PDE4B: variants seen among roughly 807,000 people sequenced by gnomAD.
PDE4B encodes 3',5'-cyclic-AMP phosphodiesterase 4B.
A neutral mutation model predicts 82.2 loss-of-function variants in PDE4B; 20 were observed. The observed-to-expected ratio is 0.24, with a 90% confidence interval of 0.17 to 0.35. PDE4B has a LOEUF of 0.35. Ranked by LOEUF, PDE4B falls within the 10% of genes least tolerant of loss-of-function variation. PDE4B has a pLI of 1.00. For missense variants in PDE4B, 655 were observed against 907.2 expected (o/e 0.72, Z 3.57); for synonymous variants, 320 against 318.9 (o/e 1.00, Z -0.04).
intron 3 of PDE4B, among the ~76,000 whole-genome samples, chr1:65,921,313 A>C (rs1160244076): frequency 1.3e-5 from 2 of 152,084 alleles, no homozygotes; most frequent in Non-Finnish European, 2.9e-5. Flanking sequence ...CTTCCACTGG[A>C]ATACTGATAG....
chr1:66,332,578 C>T lies in PDE4B; in HGVS notation c.705C>T (p.Thr235=), dbSNP rs568308793. Residue 235 remains threonine (T), a synonymous_variant, in exon 8 of 17, where the codon ACC becomes ACT. Coordinates refer to ENST00000341517, the MANE Select transcript of PDE4B (RefSeq NM_002600.4). ...ACTGGTGTTTAGACCAGCTAGAGACCATACAGACCTACCGGTCTGTCAGTG... is the reference window on the plus strand; with the variant it reads ...ACTGGTGTTTAGACCAGCTAGAGACTATACAGACCTACCGGTCTGTCAGTG... ...ELDWCLDQLE[T]IQTYRSVSEM... 1.2e-6 allele frequency: 2 copies of T among 1,614,012 alleles called. No individual in the cohort carries two copies. The highest frequency in any genetic ancestry group is 4.5e-5 in the East Asian group (2 of 44,892).
intron 1 of PDE4B, among the ~76,000 whole-genome samples, chr1:65,865,228 C>T (rs532738024): frequency 6.6e-6 from 1 of 152,294 alleles, no homozygotes; most frequent in South Asian, 2.1e-4. Flanking sequence ...TGTCCTTCCC[C>T]ACACCAAGCT....
chr1:65,906,888 C>T (rs1220156559), intron 1 of PDE4B, among the ~76,000 whole-genome samples: 1 of 152,084 alleles, frequency 6.6e-6, no homozygotes, highest in Non-Finnish European at 1.5e-5. Context: ...AAAAGGATGC[C>T]ATTATGTCTT....
intron 3 of PDE4B, among the ~76,000 whole-genome samples, chr1:66,175,660 A>G (rs1646918430): frequency 1.3e-5 from 2 of 152,218 alleles, no homozygotes; most frequent in African/African-American, 4.8e-5. Flanking sequence ...TAGCACGTGC[A>G]GTGTGAGTGA....
intron 3 of PDE4B, among the ~76,000 whole-genome samples, chr1:65,927,117 G>T (rs1047895249): frequency 6.6e-6 from 1 of 151,766 alleles, no homozygotes; most frequent in African/African-American, 2.4e-5. Flanking sequence ...CATGTTAAAA[G>T]AAGTTATTCA....
At chr1:65,997,257 A>G (rs1479885001) in intron 3 of PDE4B, among the ~76,000 whole-genome samples, 1 of 150,170 alleles carries the variant, frequency 6.7e-6, no homozygotes, top group Non-Finnish European at 1.5e-5. Flanking sequence ...CACAGGAAAC[A>G]ATATTTTTGT....
Position 66,363,109 on chromosome 1 carries a change from A to G in PDE4B, c.1021-59A>G, listed in dbSNP as rs533678393. 4.9e-4 allele frequency: 558 copies of G among 1,146,306 alleles called. 8 individuals are homozygous for G. In the South Asian group the frequency reaches 6.9e-3, roughly 14 times the overall value. The allele number at this position is 1,146,306 out of a possible 1,614,324, so 71.0% of individuals were successfully genotyped here. ...AATGTCCAAAAAATAAATTAAAAAA[A>G]TGAGGCATGTTAGCACAACTTTCCT... On this transcript the variant is annotated intron_variant, in intron 10 of 16. Coordinates refer to ENST00000341517, the MANE Select transcript of PDE4B (RefSeq NM_002600.4).
chr1:66,157,445 T>C (rs995781315), intron 3 of PDE4B, among the ~76,000 whole-genome samples: 2 of 152,204 alleles, frequency 1.3e-5, no homozygotes, highest in African/African-American at 2.4e-5. Flanking sequence ...CTAGAACTTA[T>C]AGACCTTCAT....
intron 1 of PDE4B, among the ~76,000 whole-genome samples, chr1:65,878,225 G>A (rs184238772): frequency 4.5e-4 from 69 of 152,254 alleles, no homozygotes; most frequent in Middle Eastern, 6.8e-3. Context: ...AAAAAGTCAG[G>A]AAACAACAGA....
chr1:65,994,744 T>C (rs12566724), intron 3 of PDE4B, among the ~76,000 whole-genome samples: 31,865 of 152,032 alleles, frequency 0.21, 4,089 homozygotes, highest in East Asian at 0.38. Context: ...GATATTTAAT[T>C]TTAGATAGCT....
At chr1:66,108,839 A>G (rs546363350) in intron 3 of PDE4B, among the ~76,000 whole-genome samples, 3 of 152,126 alleles carry the variant, frequency 2.0e-5, no homozygotes, top group African/African-American at 7.2e-5. Context: ...TTTTGATTCA[A>G]CTGACTCATC....
chr1:65,989,081 A>G (rs1472245994), intron 3 of PDE4B, among the ~76,000 whole-genome samples: 1 of 152,214 alleles, frequency 6.6e-6, no homozygotes, highest in African/African-American at 2.4e-5. Context: ...TATTTATAAT[A>G]AGTAATGCAT....
intron 3 of PDE4B, among the ~76,000 whole-genome samples, chr1:66,090,176 T>C (rs1644983467): frequency 6.6e-6 from 1 of 151,936 alleles, no homozygotes; most frequent in Admixed American, 6.6e-5. Flanking sequence ...GACAAGAGTA[T>C]TAATAAGGCA....
intron 3 of PDE4B, among the ~76,000 whole-genome samples, chr1:65,966,604 A>C (rs1042112888): frequency 6.6e-6 from 1 of 152,194 alleles, no homozygotes; most frequent in Non-Finnish European, 1.5e-5. Flanking sequence ...ATCCTAAGCA[A>C]AAAGAACAAA....
chr1:66,370,174 A>G (rs111733024), intron 16 of PDE4B, among the ~76,000 whole-genome samples: 4,573 of 149,784 alleles, frequency 0.031, 250 homozygotes, highest in African/African-American at 0.11. Context: ...AAAAAAAAAA[A>G]AAAAGAAAGA....
At chr1:66,088,933 A>T (rs1391312599) in intron 3 of PDE4B, among the ~76,000 whole-genome samples, 1 of 152,082 alleles carries the variant, frequency 6.6e-6, no homozygotes, top group East Asian at 1.9e-4. Context: ...AAGCCCTACC[A>T]ACAAGGGTTC....
At chr1:65,924,717 T>G (rs1351690625) in intron 3 of PDE4B, among the ~76,000 whole-genome samples, 1 of 152,224 alleles carries the variant, frequency 6.6e-6, no homozygotes, top group African/African-American at 2.4e-5. Flanking sequence ...GCAGAACTGC[T>G]TCCAACCTGA....
At chr1:66,125,454 G>T (rs190943851) in intron 3 of PDE4B, among the ~76,000 whole-genome samples, 6 of 152,092 alleles carry the variant, frequency 3.9e-5, no homozygotes, top group African/African-American at 1.4e-4. Flanking sequence ...GAGCCACCAC[G>T]CCCTGCCCCT....
intron 3 of PDE4B, among the ~76,000 whole-genome samples, chr1:65,930,073 T>C (rs6664366): frequency 0.12 from 17,957 of 151,726 alleles, 1,253 homozygotes; most frequent in Middle Eastern, 0.2. Context: ...GCAAGGAGAG[T>C]GAGTCTGAGT....
Sources: gnomAD v4.1 joint callset for allele counts (sites outside exome capture counted in the v4.1 genomes callset) on GRCh38, gnomAD v4.1.1 for gene constraint, MANE v1.5 for transcripts, NCBI Gene and HGNC (gene_info 2026-07-23, HGNC 2026-07-21) for gene names.